Variants in MAD1L1 observed in about 807,000 individuals in gnomAD.
MAD1L1 encodes the protein mitotic spindle assembly checkpoint protein MAD1.
In MAD1L1, 95 loss-of-function variants were observed where a neutral mutation model predicts 96.9. The ratio of observed to expected loss-of-function variants is 0.98; its 90% CI spans 0.83 to 1.16. The LOEUF is 1.16. Among genes scored for constraint, MAD1L1 ranks in the 50% most tolerant of loss-of-function variants. The probability of loss-of-function intolerance (pLI) is 0.00; values close to 1 mark genes in which losing one functional copy is unlikely to be tolerated. For missense variants in MAD1L1, 1,007 were observed against 954.4 expected (o/e 1.06, Z -0.73); for synonymous variants, 473 against 396.6 (o/e 1.19, Z -2.29).
intron 10 of MAD1L1, among the ~76,000 whole-genome samples, chr7:2,182,027 G>A (rs1791225196): frequency 6.6e-6 from 1 of 152,118 alleles, no homozygotes; most frequent in Admixed American, 6.5e-5. Flanking sequence ...TGGGGACAGT[G>A]TACACTGCTC....
In MAD1L1 at chr7:2,069,400, C is replaced by T. The variant is rs1237997693; in HGVS notation, c.1074-62G>A. ...CTGGGGTGACCACCCCACCAAGCCC[C>T]GCCCCACCCCAGGAACGAGCCCACC... On this transcript the variant is annotated intron_variant, in intron 11 of 18. Coordinates refer to ENST00000265854, the MANE Select transcript of MAD1L1 (RefSeq NM_001013836.2). The T allele has an allele frequency of 1.4e-5, 20 of 1,443,496 alleles. No individual in the cohort carries two copies. The South Asian group carries it at 1.7e-4, about 12-fold the overall frequency. The allele number at this position is 1,443,496 out of a possible 1,614,324, so 89.4% of individuals were successfully genotyped here. A position where few individuals can be genotyped will look rare whatever the true frequency, so the allele number is the denominator to read the frequency against.
At chr7:2,041,937 G>A (rs77620887) in intron 12 of MAD1L1, among the ~76,000 whole-genome samples, 3,003 of 152,226 alleles carry the variant, frequency 0.02, 104 homozygotes, top group African/African-American at 0.069. Context: ...CCAGAGAGGC[G>A]AGCAGAGCCT....
chr7:1,977,802 C>T lies in MAD1L1; in HGVS notation c.1505+2651G>A, dbSNP rs376789079. Among the ~76,000 whole-genome samples, 28 of 152,356 alleles carry T rather than the reference C, an allele frequency of 1.8e-4. No individual in the cohort carries two copies. The East Asian group carries it at 2.3e-3, about 13-fold the overall frequency. The stretch of plus-strand genomic sequence containing the variant: ...GAAAGCAGAGTGCCATCTCAGAGAG[C>T]GGGGAGCCGTGCAGCGTGACGCAGG... On this transcript the variant is annotated intron_variant, in intron 15 of 18. Transcript: ENST00000265854.
intron 10 of MAD1L1, among the ~76,000 whole-genome samples, chr7:2,195,875 C>T (rs1791960109): frequency 6.6e-6 from 1 of 152,264 alleles, no homozygotes; most frequent in Non-Finnish European, 1.5e-5. Flanking sequence ...TGGGAGCCAT[C>T]AGGTCTGAAA....
chr7:1,953,722 G>A (rs946061282), intron 16 of MAD1L1, among the ~76,000 whole-genome samples: 2 of 152,232 alleles, frequency 1.3e-5, no homozygotes, highest in African/African-American at 2.4e-5. Context: ...CCAGGCGCTC[G>A]CTGCAAACTT....
At chr7:2,121,870 G>C (rs1006557902) in intron 11 of MAD1L1, among the ~76,000 whole-genome samples, 2 of 152,222 alleles carry the variant, frequency 1.3e-5, no homozygotes, top group Non-Finnish European at 2.9e-5. Flanking sequence ...GGCTGGCACA[G>C]CAGGAACACA....
chr7:2,123,819 G>A (rs751738429), intron 11 of MAD1L1, among the ~76,000 whole-genome samples: 1 of 152,234 alleles, frequency 6.6e-6, no homozygotes, highest in Non-Finnish European at 1.5e-5. Context: ...AAGAATCAGC[G>A]CTGTTTACCA....
At chr7:1,924,217 G>A (rs1016061263) in intron 17 of MAD1L1, among the ~76,000 whole-genome samples, 6 of 152,182 alleles carry the variant, frequency 3.9e-5, no homozygotes, top group African/African-American at 1.4e-4. Flanking sequence ...AGATGATGCC[G>A]TGCCACTAAG....
At chr7:2,223,682 C>T (rs1363332585) in intron 4 of MAD1L1, 2 of 152,268 alleles carry the variant, frequency 1.3e-5, no homozygotes, top group Admixed American at 1.3e-4. Flanking sequence ...GGCTGCCTCA[C>T]AACAACCAAG....
At chr7:1,961,333 T>C (rs1314439910) in intron 15 of MAD1L1, among the ~76,000 whole-genome samples, 1 of 152,148 alleles carries the variant, frequency 6.6e-6, no homozygotes, top group Non-Finnish European at 1.5e-5. Context: ...CTACCTAATT[T>C]CACCAACTAC....
chr7:2,167,576 T>C (rs1245032380), intron 10 of MAD1L1, among the ~76,000 whole-genome samples: 2 of 149,426 alleles, frequency 1.3e-5, no homozygotes, highest in Admixed American at 1.3e-4. Flanking sequence ...ATAATAATAA[T>C]TAAAATTAGC....
At chr7:2,220,799 G>A (rs1416112199) in intron 5 of MAD1L1, 3 of 1,312,624 alleles carry the variant, frequency 2.3e-6, no homozygotes, top group African/African-American at 1.5e-5. Context: ...ATCAACCTGG[G>A]AGTCAACAAA....
At chr7:1,916,531 C>T (rs535225833) in intron 17 of MAD1L1, among the ~76,000 whole-genome samples, 4 of 152,020 alleles carry the variant, frequency 2.6e-5, no homozygotes, top group East Asian at 1.9e-4. Context: ...TGAGGCATGG[C>T]GGGGGAGGCG....
intron 9 of MAD1L1, 28 bp downstream of exon 9, chr7:2,215,857 A>G (rs143363964): frequency 1.2e-6 from 2 of 1,605,916 alleles, no homozygotes; most frequent in Admixed American, 1.7e-5. Context: ...GGACACCCAC[A>G]GGAACCGCAC....
At chr7:1,868,221 G>T (rs978265667) in intron 18 of MAD1L1, among the ~76,000 whole-genome samples, 4 of 152,014 alleles carry the variant, frequency 2.6e-5, no homozygotes, top group African/African-American at 9.7e-5. Flanking sequence ...CCTTGAGGCA[G>T]AACAGGGAGC....
In MAD1L1 at chr7:1,838,780, C is replaced by A. The variant is rs779033688; in HGVS notation, c.1999-22552G>T. The A allele has an allele frequency of 3.2e-5, 15 of 471,256 alleles. No individual in the cohort carries two copies. The East Asian group carries it at 3.5e-4, about 11-fold the overall frequency. 29.2% of individuals were successfully genotyped at this position (471,256 alleles called of 1,614,324 possible). On this transcript the variant is annotated intron_variant, in intron 18 of 18. Transcript: ENST00000265854. ...CTCTGTAGATGACATCTCAATCAAG[C>A]TGCTTCATGAGAAAGGCCCAGCCAC... is the stretch of plus-strand genomic sequence containing the variant.
intron 12 of MAD1L1, among the ~76,000 whole-genome samples, chr7:2,029,096 T>A (rs2128505413): frequency 6.6e-6 from 1 of 152,306 alleles, no homozygotes; most frequent in African/African-American, 2.4e-5. Flanking sequence ...AAATTAAGAA[T>A]TTCTGTTTAG....
At chr7:2,055,122 T>A (rs1304247311) in intron 12 of MAD1L1, among the ~76,000 whole-genome samples, 1 of 152,062 alleles carries the variant, frequency 6.6e-6, no homozygotes, top group Non-Finnish European at 1.5e-5. Context: ...CTCCAGGCAC[T>A]AGGCAGGCAG....
chr7:1,976,347 C>T (rs576778955), intron 15 of MAD1L1, among the ~76,000 whole-genome samples: 3 of 152,182 alleles, frequency 2.0e-5, no homozygotes, highest in Non-Finnish European at 2.9e-5. Context: ...GAGTTTCTTT[C>T]TTCTGGTGGG....
Sources: allele counts gnomAD v4.1 joint callset (sites outside exome capture counted in the v4.1 genomes callset), GRCh38; gene constraint gnomAD v4.1.1; transcripts MANE v1.5; gene names NCBI Gene and HGNC (gene_info 2026-07-23, HGNC 2026-07-21).